The following AKNA variants were observed in gnomAD, a reference collection of about 807,000 sequenced individuals.
AKNA encodes the protein AT-hook transcription factor.
A neutral mutation model predicts 138.8 loss-of-function variants in AKNA; 67 were observed. That is an observed-to-expected ratio of 0.48 (90% CI 0.40 to 0.59). The LOEUF (loss-of-function observed/expected upper bound fraction) is 0.59. AKNA is among the 20% of genes least tolerant of loss of function. AKNA has a pLI of 0.00. For missense variants in AKNA, 1,813 were observed against 1,880.4 expected, an observed-to-expected ratio of 0.96 and a Z score of 0.66; for synonymous variants, 737 against 754.4, an observed-to-expected ratio of 0.98 and a Z score of 0.38.
chr9:114,356,836 CG>C, intron 13 of AKNA, 26 bp downstream of exon 13: 14 of 1,519,062 alleles, frequency 9.2e-6, no homozygotes, highest in Non-Finnish European at 7.9e-6. Flanking sequence ...GTGGCACTGA[CG>C]GGACAATGGC....
At chr9:114,339,992 G>C (rs933395867) in intron 21 of AKNA, among the ~76,000 whole-genome samples, 1 of 152,208 alleles carries the variant, frequency 6.6e-6, no homozygotes, top group Non-Finnish European at 1.5e-5. Context: ...CCAGCTACTT[G>C]AGAGGAGGAG....
chr9:114,342,165 T>A, intron 19 of AKNA, 40 bp from the exon 20 acceptor site: 1 of 1,447,496 alleles, frequency 6.9e-7, no homozygotes, highest in Non-Finnish European at 9.3e-7. Flanking sequence ...GGATTACATC[T>A]AAATCATCAG....
Position 114,376,733 on chromosome 9 carries a change from G to A in AKNA, c.1074C>T (p.Leu358=). Residue 358 remains leucine (L), a synonymous_variant, in exon 3 of 22, where the codon CTC becomes CTT. Coordinates refer to ENST00000374088, the MANE Select transcript of AKNA (RefSeq NM_001317950.2). ...KYGRGQLNYP[L]PDFSKVGPRV... ...GGGGCCCTACCTTGGAGAAATCAGG[G>A]AGTGGGTAGTTCAACTGCCCCCGGC... 1 of 1,612,876 alleles carries A rather than the reference G, an allele frequency of 6.2e-7. No individual in the cohort carries two copies. Among genetic ancestry groups the A allele is most frequent in the Non-Finnish European group, 8.5e-7 (1 of 1,179,368 alleles).
chr9:114,365,880 GA>G (rs1832310336), intron 6 of AKNA, among the ~76,000 whole-genome samples: 1 of 152,204 alleles, frequency 6.6e-6, no homozygotes, highest in African/African-American at 2.4e-5. Context: ...CACTAGACAT[GA>G]GGGGTCAGCT....
intron 12 of AKNA, among the ~76,000 whole-genome samples, chr9:114,357,688 A>T (rs1246132651): frequency 2.6e-5 from 4 of 152,210 alleles, no homozygotes; most frequent in Non-Finnish European, 1.5e-5. Flanking sequence ...GAGAAGTATA[A>T]GCAATGGGTT....
At chr9:114,346,098 G>A (rs1345384900) in intron 17 of AKNA, 89 bp from the exon 18 acceptor site, 4 of 1,349,778 alleles carry the variant, frequency 3.0e-6, no homozygotes, top group Non-Finnish European at 4.1e-6. Context: ...TTAGGCTCTG[G>A]GGTGGATGCC....
chr9:114,349,827 C>T (rs1052014993), intron 15 of AKNA, among the ~76,000 whole-genome samples: 2 of 152,192 alleles, frequency 1.3e-5, no homozygotes, highest in Non-Finnish European at 2.9e-5. Flanking sequence ...GTGATGGGCA[C>T]TCTCTCACCT....
chr9:114,356,165 A>T, intron 13 of AKNA, 29 bp from the exon 14 acceptor site: 1 of 1,598,882 alleles, frequency 6.3e-7, no homozygotes, highest in Non-Finnish European at 8.5e-7. Context: ...AGGGACACAC[A>T]GGGGTCACAC....
intron 7 of AKNA, among the ~76,000 whole-genome samples, chr9:114,364,126 G>C (rs1417182419): frequency 1.3e-5 from 2 of 151,800 alleles, no homozygotes; most frequent in African/African-American, 4.8e-5. Flanking sequence ...TGAGAGGCAG[G>C]ATAATTTGTG....
chr9:114,366,225 A>G (rs1832344397), intron 6 of AKNA, among the ~76,000 whole-genome samples: 1 of 151,296 alleles, frequency 6.6e-6, no homozygotes, highest in Non-Finnish European at 1.5e-5. Flanking sequence ...GGTTGCAGTG[A>G]GCCAAGACTG....
chr9:114,366,762 A>T (rs2131970333), intron 6 of AKNA, among the ~76,000 whole-genome samples: 1 of 151,764 alleles, frequency 6.6e-6, no homozygotes, highest in Middle Eastern at 3.4e-3. Context: ...AGGGAAGGGA[A>T]GGGAAGAATA....
chr9:114,330,801 G>C, downstream of AKNA: 2 of 1,613,920 alleles, frequency 1.2e-6, no homozygotes, highest in Non-Finnish European at 1.7e-6. Flanking sequence ...GCCAGAACCA[G>C]TGCTTCTATA....
At chr9:114,398,350 T>C (rs1834603112), upstream of AKNA, 1 of 151,652 alleles carries the variant, frequency 6.6e-6, no homozygotes, top group South Asian at 2.1e-4. The surrounding 1 kb of genome is among the most constrained non-coding windows in gnomAD (Gnocchi z 4.2). Context: ...CTGTCCACTC[T>C]CCCTCCCCAT....
chr9:114,348,819 C>T (rs148141929), intron 15 of AKNA: 7 of 454,924 alleles, frequency 1.5e-5, no homozygotes, highest in East Asian at 7.0e-5. Context: ...ACCCTCCAGG[C>T]GGATGCAGGC....
At chr9:114,340,828 A>C (rs1830291477) in intron 21 of AKNA, among the ~76,000 whole-genome samples, 1 of 152,132 alleles carries the variant, frequency 6.6e-6, no homozygotes, top group Non-Finnish European at 1.5e-5. Flanking sequence ...GACTCCCCAG[A>C]GATGTCCAGG....
chr9:114,389,015 GGGTTGGAGGAGAAGGGTTATAGGAC>G (rs1834227997), upstream of AKNA, among the ~76,000 whole-genome samples: 1 of 152,158 alleles, frequency 6.6e-6, no homozygotes, highest in Non-Finnish European at 1.5e-5. Flanking sequence ...CAAGAGTAAT[GGGTTGGAGGAGAAGGGTTATAGGAC>G]GGTCAGGAAG....
At chr9:114,379,528 T>C (rs1833484260) in intron 2 of AKNA, among the ~76,000 whole-genome samples, 1 of 152,158 alleles carries the variant, frequency 6.6e-6, no homozygotes, top group African/African-American at 2.4e-5. Flanking sequence ...TTTGAGCAGA[T>C]CAGGTGTGTG....
chr9:114,332,378 T>C (rs1469721348), downstream of AKNA, among the ~76,000 whole-genome samples: 2 of 152,148 alleles, frequency 1.3e-5, no homozygotes, highest in Non-Finnish European at 2.9e-5. Context: ...CGATTTTTGC[T>C]ACAAATGAAA....
intron 6 of AKNA, 143 bp downstream of exon 6, chr9:114,367,400 T>A: frequency 9.9e-7 from 1 of 1,014,690 alleles, no homozygotes; most frequent in East Asian, 2.7e-5. Flanking sequence ...GGCTCATGTT[T>A]TGGGGATGGC....
Sources: allele counts gnomAD v4.1 joint callset (sites outside exome capture counted in the v4.1 genomes callset), GRCh38; gene constraint gnomAD v4.1.1; non-coding constraint Gnocchi (gnomAD v3.1); transcripts MANE v1.5; gene names NCBI Gene and HGNC (gene_info 2026-07-23, HGNC 2026-07-21).